NHSL1: variants seen among roughly 807,000 people sequenced by gnomAD.
NHSL1 encodes NHS-like protein 1.
NHSL1 carries 48 observed loss-of-function variants against 95.0 expected under a neutral mutation model. The ratio of observed to expected loss-of-function variants is 0.51; its 90% CI spans 0.40 to 0.64. The LOEUF (loss-of-function observed/expected upper bound fraction) is 0.64. Among genes scored for constraint, NHSL1 ranks in the 30% least tolerant of loss-of-function variants. The probability of loss-of-function intolerance (pLI) is 0.00; values close to 1 mark genes in which losing one functional copy is unlikely to be tolerated. For missense variants in NHSL1, 1,971 were observed against 2,077.7 expected, an observed-to-expected ratio of 0.95 and a Z score of 1.00; for synonymous variants, 783 against 833.9, an observed-to-expected ratio of 0.94 and a Z score of 1.05.
At chr6:138,487,971 A>G (rs1247292826) in intron 2 of NHSL1, among the ~76,000 whole-genome samples, 1 of 152,226 alleles carries the variant, frequency 6.6e-6, no homozygotes, top group African/African-American at 2.4e-5. Flanking sequence ...TAAGTAATCG[A>G]AAGTTTCTTG....
upstream of NHSL1, among the ~76,000 whole-genome samples, chr6:138,546,138 C>T (rs1340847774): frequency 6.6e-6 from 1 of 152,038 alleles, no homozygotes; most frequent in Non-Finnish European, 1.5e-5. Flanking sequence ...ATAGAACACA[C>T]CATATACTGG....
chr6:138,447,428 C>T (rs975528203), intron 3 of NHSL1, among the ~76,000 whole-genome samples: 10 of 152,078 alleles, frequency 6.6e-5, no homozygotes, highest in African/African-American at 9.7e-5. Flanking sequence ...TTCTGCTGAC[C>T]CACAAAATCT....
At chr6:138,466,319 G>C (rs1385941290) in intron 3 of NHSL1, among the ~76,000 whole-genome samples, 1 of 152,242 alleles carries the variant, frequency 6.6e-6, no homozygotes, top group East Asian at 1.9e-4. Context: ...GGGATTACAG[G>C]CGTGAGCCAC....
At chr6:138,649,829 C>T (rs572470451) in intron 1 of NHSL1, among the ~76,000 whole-genome samples, 6 of 152,304 alleles carry the variant, frequency 3.9e-5, no homozygotes, top group Admixed American at 1.3e-4. Flanking sequence ...AGCTGACCTA[C>T]AGGATGGGCT....
chr6:138,672,909 C>T (rs1441969952), intron 1 of NHSL1, among the ~76,000 whole-genome samples: 6 of 152,032 alleles, frequency 3.9e-5, no homozygotes, highest in African/African-American at 1.2e-4. Context: ...CCCAGCTACT[C>T]GGGCGGCTGA....
Position 138,433,392 on chromosome 6 carries a change from C to T in NHSL1, c.953G>A (p.Ser318Asn). The change falls in exon 6 of 8, where the codon AGT becomes AAT. Residue 318 changes from serine (S) to asparagine (N), a missense_variant. Physicochemically the swap from Ser to Asn is conservative, Grantham distance 46 (BLOSUM62 1). This residue lies in a region of NHSL1 where 1,602 missense variants were observed against 1,654.5 expected (regional missense o/e 0.97). Transcript: ENST00000343505. The part of the protein sequence containing the change: ...AGIVFPSRLD[S>N]DAGFHSLPRS... Reference sequence around the variant, plus strand: ...CGGAAGACTATGGAAGCCAGCATCACTGTCAAGGCGGGAAGGGAATACGAT... The same window carrying T: ...CGGAAGACTATGGAAGCCAGCATCATTGTCAAGGCGGGAAGGGAATACGAT... 1.3e-6 allele frequency: 2 copies of T among 1,552,338 alleles called. No individual in the cohort carries two copies. The highest frequency in any genetic ancestry group is 1.7e-6 in the Non-Finnish European group (2 of 1,147,146).
chr6:138,475,270 A>C (rs1054375782), intron 2 of NHSL1, among the ~76,000 whole-genome samples: 1 of 151,428 alleles, frequency 6.6e-6, no homozygotes, highest in African/African-American at 2.4e-5. Context: ...CGCAGGCTGG[A>C]GTGCAGTAGC....
intron 1 of NHSL1, among the ~76,000 whole-genome samples, chr6:138,663,450 G>A (rs1044690861): frequency 9.3e-5 from 14 of 150,994 alleles, no homozygotes; most frequent in African/African-American, 2.7e-4. Flanking sequence ...TCTCAGCTAC[G>A]CGGGAGGCTA....
In NHSL1 at chr6:138,424,093, G is replaced by C; in HGVS notation, c.4809C>G (p.Ser1603Arg). The C allele has an allele frequency of 7.2e-7, 1 of 1,384,206 alleles. No homozygotes were observed. Among genetic ancestry groups the C allele is most frequent in the East Asian group, 2.6e-5 (1 of 38,816 alleles). 85.7% of individuals were successfully genotyped at this position (1,384,206 alleles called of 1,614,324 possible). Residue 1603 changes from serine (S) to arginine (R), a missense_variant, in exon 8 of 8, where the codon AGC (serine) becomes AGG (arginine). Around this residue, in one of 3 missense-constraint regions of NHSL1, gnomAD observed 223 missense variants for 217.0 expected, o/e 1.03. Coordinates refer to ENST00000343505, the MANE Select transcript of NHSL1 (RefSeq NM_001144060.2). The surrounding 1 kb of genome is among the most constrained non-coding windows in gnomAD (Gnocchi z 5.9). ...EPSPQCGGSL[S>R]EES ...TACGTTCTTGGCCCTAACTCTCCTC[G>C]CTCAGAGAACCGCCACACTGTGGGG...
At chr6:138,553,463 TA>T (rs1783084415) in intron 1 of NHSL1, among the ~76,000 whole-genome samples, 2 of 152,228 alleles carry the variant, frequency 1.3e-5, no homozygotes, top group South Asian at 4.1e-4. Context: ...GAGTGATCCT[TA>T]AAGCAGCAAC....
intron 1 of NHSL1, among the ~76,000 whole-genome samples, chr6:138,557,343 G>T (rs549414508): frequency 6.6e-6 from 1 of 152,210 alleles, no homozygotes; most frequent in Non-Finnish European, 1.5e-5. Context: ...CTGCCCACAG[G>T]ATTGTGGCTC....
intron 1 of NHSL1, among the ~76,000 whole-genome samples, chr6:138,643,766 A>G (rs984378910): frequency 6.6e-6 from 1 of 152,218 alleles, no homozygotes; most frequent in Admixed American, 6.5e-5. Context: ...AGGCAGGCTG[A>G]GGCAGGTCCA....
At chr6:138,661,962 T>A (rs1183041625) in intron 1 of NHSL1, among the ~76,000 whole-genome samples, 2 of 152,100 alleles carry the variant, frequency 1.3e-5, no homozygotes, top group African/African-American at 2.4e-5. Context: ...TAGCCTCAGC[T>A]ACTTGAGAGG....
At chr6:138,689,478 T>C (rs1343435401) in intron 1 of NHSL1, among the ~76,000 whole-genome samples, 1 of 152,242 alleles carries the variant, frequency 6.6e-6, no homozygotes, top group East Asian at 1.9e-4. Flanking sequence ...CTCAGGATCA[T>C]TGAGGCCAGC....
Position 138,473,313 on chromosome 6 carries a change from T to C in NHSL1, c.332A>G (p.Asp111Gly). The C allele has an allele frequency of 6.5e-7, 1 of 1,542,688 alleles. No homozygotes were observed. The highest frequency in any genetic ancestry group is 1.2e-5 in the South Asian group (1 of 82,438). ...TTGAACTTTGAAGCTTACCTTTTGA[T>C]CTGTTTCTTCATCTTCATCTTGGTA... ...DDYQDEDEET[D>G]QKCSLSSSEE... is the part of the protein sequence containing the mutation. Residue 111 changes from aspartate to glycine, a missense_variant, in exon 3 of 8, where the codon GAT becomes GGT. Asp to Gly is a moderately conservative substitution (Grantham distance 94, BLOSUM62 -1). This residue lies in a region of NHSL1 where 1,602 missense variants were observed against 1,654.5 expected (regional missense o/e 0.97). Coordinates refer to ENST00000343505, the MANE Select transcript of NHSL1 (RefSeq NM_001144060.2).
At chr6:138,691,193 A>C (rs1230265462) in intron 1 of NHSL1, among the ~76,000 whole-genome samples, 1 of 152,228 alleles carries the variant, frequency 6.6e-6, no homozygotes, top group Admixed American at 6.5e-5. Context: ...TTATGTCAAC[A>C]ACCTTATGAG....
intron 1 of NHSL1, among the ~76,000 whole-genome samples, chr6:138,515,020 C>T (rs1354513859): frequency 4.6e-5 from 7 of 151,974 alleles, no homozygotes; most frequent in East Asian, 1.9e-4. Context: ...TGAGATACCA[C>T]GACAGATCTG....
intron 1 of NHSL1, among the ~76,000 whole-genome samples, chr6:138,544,107 A>G (rs995683038): frequency 1.3e-5 from 2 of 152,194 alleles, no homozygotes; most frequent in African/African-American, 4.8e-5. Context: ...TAACAATTCC[A>G]CAACCGTATT....
chr6:138,427,044 C>T (rs1398333516), intron 7 of NHSL1, among the ~76,000 whole-genome samples: 2 of 152,208 alleles, frequency 1.3e-5, no homozygotes, highest in African/African-American at 2.4e-5. Context: ...TAGCACATGG[C>T]CTCACCACTT....
Sources: allele counts gnomAD v4.1 joint callset (sites outside exome capture counted in the v4.1 genomes callset), GRCh38; gene constraint gnomAD v4.1.1; regional missense constraint gnomAD v4.1.1; non-coding constraint Gnocchi (gnomAD v3.1); transcripts MANE v1.5; gene names NCBI Gene and HGNC (gene_info 2026-07-23, HGNC 2026-07-21).